Variants in CFAP251 observed in about 807,000 individuals in gnomAD.
CFAP251 encodes the protein cilia and flagella associated protein 251, also known as cilia- and flagella-associated protein 251.
CFAP251 carries 93 observed loss-of-function variants against 126.7 expected under a neutral mutation model. That is an observed-to-expected ratio of 0.73 (90% CI 0.62 to 0.87). The LOEUF is 0.87. Ranked by LOEUF, CFAP251 falls within the 40% of genes least tolerant of loss-of-function variation. The probability of loss-of-function intolerance (pLI) is 0.00; values close to 1 mark genes in which losing one functional copy is unlikely to be tolerated. For missense variants in CFAP251, 1,287 were observed against 1,389.2 expected (o/e 0.93, Z 1.17); for synonymous variants, 503 against 506.9 (o/e 0.99, Z 0.10).
intron 6 of CFAP251, 23 bp from the exon 7 acceptor site, chr12:121,942,872 C>T (rs1881178871): frequency 2.5e-6 from 4 of 1,613,080 alleles, no homozygotes; most frequent in Non-Finnish European, 3.4e-6. Flanking sequence ...TTCTCATGCC[C>T]CTCTCTCTAC....
chr12:121,962,065 A>G lies in CFAP251; in HGVS notation c.2395A>G (p.Met799Val), dbSNP rs760596624. Residue 799 changes from methionine (M) to valine (V), a missense_variant, in exon 15 of 22, where the codon ATG (methionine) becomes GTG (valine). Met to Val is a conservative substitution (Grantham distance 21). Coordinates refer to ENST00000288912, the MANE Select transcript of CFAP251 (RefSeq NM_144668.6). ...HTDQGCYPTCMVWYPPLTREL... is the reference protein window; with the variant it reads ...HTDQGCYPTCVVWYPPLTREL... ...CGACCAGGGCTGCTATCCCACCTGCATGGTCTGGTACCCACCACTCACCAG... is the reference window on the plus strand; with the variant it reads ...CGACCAGGGCTGCTATCCCACCTGCGTGGTCTGGTACCCACCACTCACCAG... 3 of 1,613,990 alleles carry G rather than the reference A, an allele frequency of 1.9e-6. No individual in the cohort carries two copies. The highest frequency in any genetic ancestry group is 2.5e-6 in the Non-Finnish European group (3 of 1,180,022).
At chr12:121,947,274 G>T (rs1881358171) in intron 7 of CFAP251, among the ~76,000 whole-genome samples, 1 of 151,864 alleles carries the variant, frequency 6.6e-6, no homozygotes. Flanking sequence ...ATTTTTTCAG[G>T]TCTAGAATTT....
At chr12:122,001,888 G>C in intron 21 of CFAP251, 1 of 412,770 alleles carries the variant, frequency 2.4e-6, no homozygotes, top group South Asian at 2.6e-5. Flanking sequence ...ACCCGTAGAG[G>C]ATCCAGTTTG....
chr12:121,998,370 T>G, intron 19 of CFAP251: 1 of 143,126 alleles, frequency 7.0e-6, no homozygotes, highest in Admixed American at 7.2e-5. Context: ...ATGTTTATAT[T>G]ATTGATCTTA....
intron 15 of CFAP251, among the ~76,000 whole-genome samples, chr12:121,965,820 C>CTT (rs57810201): frequency 1.4e-5 from 2 of 142,998 alleles, no homozygotes; most frequent in Admixed American, 7.0e-5. Flanking sequence ...TCTTCTTCTT[C>CTT]TTTTTTTTTT....
At chr12:121,972,915 G>T (rs1240204881) in intron 17 of CFAP251, among the ~76,000 whole-genome samples, 1 of 152,172 alleles carries the variant, frequency 6.6e-6, no homozygotes, top group Non-Finnish European at 1.5e-5. Context: ...CTATGTGATA[G>T]AAAAGAAAAA....
chr12:121,968,868 G>A (rs780147900), intron 17 of CFAP251: 8 of 984,324 alleles, frequency 8.1e-6, no homozygotes, highest in African/African-American at 1.7e-5. Context: ...ATTTCCTTTC[G>A]TCTCTTCTTC....
intron 20 of CFAP251, among the ~76,000 whole-genome samples, chr12:122,001,278 A>G (rs180670791): frequency 1.3e-5 from 2 of 150,820 alleles, no homozygotes; most frequent in African/African-American, 4.9e-5. Context: ...CTGGTCTCGA[A>G]CTCCTGACCT....
At chr12:121,975,815 C>A in intron 19 of CFAP251, 130 bp downstream of exon 19, 2 of 1,021,034 alleles carry the variant, frequency 2.0e-6, no homozygotes, top group Non-Finnish European at 2.8e-6. Context: ...AAAGATGGTT[C>A]TGGGCATTTC....
intron 1 of CFAP251, among the ~76,000 whole-genome samples, chr12:121,919,295 G>A (rs969227548): frequency 5.3e-5 from 8 of 152,016 alleles, no homozygotes; most frequent in Middle Eastern, 3.2e-3. Flanking sequence ...TGAAAATGTA[G>A]GGATTTTTTT....
At chr12:121,958,546 C>T (rs1202942108) in intron 12 of CFAP251, 24 bp downstream of exon 12, 2 of 1,613,292 alleles carry the variant, frequency 1.2e-6, no homozygotes, top group East Asian at 4.5e-5. Context: ...ATCAGCCTAC[C>T]ATCGGTTCCA....
chr12:121,989,255 C>A lies in CFAP251; in HGVS notation c.3007-10461C>A, dbSNP rs830121. ...TCCCTGGAGGTGTTTGAGACCTGGGCTCTGATGCAGGGCAGGGTGACAGTC... is the reference window on the plus strand; with the variant it reads ...TCCCTGGAGGTGTTTGAGACCTGGGATCTGATGCAGGGCAGGGTGACAGTC... On this transcript the variant is annotated intron_variant, in intron 19 of 21. Transcript: ENST00000288912. This position sits in a 1 kb window ranked among gnomAD's most constrained non-coding sequence, Gnocchi z 4.2. Among the ~76,000 whole-genome samples, 39,457 of 152,126 alleles carry A rather than the reference C, an allele frequency of 0.26. 6,056 individuals carry two copies. Among genetic ancestry groups the A allele is most frequent in the East Asian group, 0.48 (2,507 of 5,170 alleles).
intron 10 of CFAP251, among the ~76,000 whole-genome samples, chr12:121,956,552 A>G (rs556102401): frequency 2.1e-4 from 32 of 152,048 alleles, no homozygotes; most frequent in Non-Finnish European, 3.7e-4. Context: ...CTGGAGTGCA[A>G]TGATGCAATC....
chr12:121,975,021 A>G (rs2135798964), intron 17 of CFAP251, among the ~76,000 whole-genome samples: 1 of 152,336 alleles, frequency 6.6e-6, no homozygotes, highest in African/African-American at 2.4e-5. Flanking sequence ...GAATATCACC[A>G]TAATTAAGGC....
At chr12:121,955,343 C>G (rs1441463140) in intron 10 of CFAP251, among the ~76,000 whole-genome samples, 1 of 152,072 alleles carries the variant, frequency 6.6e-6, no homozygotes, top group Non-Finnish European at 1.5e-5. Flanking sequence ...TCAAATGCAT[C>G]AAAACTCTGT....
chr12:121,990,306 C>A (rs866669137), intron 19 of CFAP251, among the ~76,000 whole-genome samples: 3 of 152,148 alleles, frequency 2.0e-5, no homozygotes, highest in Admixed American at 6.5e-5. Flanking sequence ...CAAACAGCAG[C>A]CCCGGGGCAC....
At chr12:121,981,147 G>C (rs1435621019) in intron 19 of CFAP251, among the ~76,000 whole-genome samples, 1 of 152,008 alleles carries the variant, frequency 6.6e-6, no homozygotes, top group East Asian at 1.9e-4. Flanking sequence ...AAAATTCCAA[G>C]CAAACACAAA....
chr12:121,975,732 A>G (rs1882441385), intron 19 of CFAP251, 47 bp downstream of exon 19: 1 of 1,522,504 alleles, frequency 6.6e-7, no homozygotes. Flanking sequence ...GCTATTTATA[A>G]AAAACAACCT....
chr12:121,991,859 GGC>G (rs1396580101), intron 19 of CFAP251, among the ~76,000 whole-genome samples: 1 of 152,102 alleles, frequency 6.6e-6, no homozygotes, highest in African/African-American at 2.4e-5. Context: ...CAGCTGTGGT[GGC>G]GCGCGCCTGT....
Sources: allele counts gnomAD v4.1 joint callset (sites outside exome capture counted in the v4.1 genomes callset), GRCh38; gene constraint gnomAD v4.1.1; non-coding constraint Gnocchi (gnomAD v3.1); transcripts MANE v1.5; gene names NCBI Gene and HGNC (gene_info 2026-07-23, HGNC 2026-07-21).